ETV6: variants seen among roughly 807,000 people sequenced by gnomAD.
ETV6 encodes the protein transcription factor ETV6.
A neutral mutation model predicts 51.1 loss-of-function variants in ETV6; 16 were observed. That is an observed-to-expected ratio of 0.31 (90% CI 0.21 to 0.48). The LOEUF is 0.48. ETV6 is among the 20% of genes least tolerant of loss of function. The probability of loss-of-function intolerance (pLI) is 0.99; values close to 1 mark genes in which losing one functional copy is unlikely to be tolerated. For synonymous variants in ETV6, 240 were observed against 224.1 expected (o/e 1.07, Z -0.64); for missense variants, 458 against 594.8 (o/e 0.77, Z 2.39).
intron 2 of ETV6, among the ~76,000 whole-genome samples, chr12:11,774,069 G>A (rs569613398): frequency 4.6e-5 from 7 of 152,294 alleles, no homozygotes; most frequent in African/African-American, 9.6e-5. Flanking sequence ...TTGAGAGACC[G>A]TTGGGAGCAA....
intron 1 of ETV6, among the ~76,000 whole-genome samples, chr12:11,704,507 C>T (rs527405695): frequency 2.0e-5 from 3 of 152,120 alleles, no homozygotes; most frequent in East Asian, 1.9e-4. Flanking sequence ...CCACCACAAC[C>T]GGCTAATTTT....
chr12:11,731,488 G>A (rs189360816), intron 1 of ETV6, among the ~76,000 whole-genome samples: 15 of 152,182 alleles, frequency 9.9e-5, no homozygotes, highest in Admixed American at 3.3e-4. Context: ...ACTTTTAGAC[G>A]TCTTTGGAGG....
At position 11,778,119 on chromosome 12, in the gene ETV6, A is replaced by T. The variant is rs537756768; in HGVS notation, c.163+25540A>T. Among the ~76,000 whole-genome samples the T allele has an allele frequency of 7.2e-5, 11 of 152,314 alleles. No homozygotes were observed. In the South Asian group the frequency reaches 2.3e-3, roughly 32 times the overall value. On this transcript the variant is annotated intron_variant, in intron 2 of 7. Transcript: ENST00000396373. ...AGAAAATGCACCGGCTTTGGAGCCT[A>T]CTGCAGGACTAGATGTCTCAGGGTC...
chr12:11,816,001 G>T (rs1945987916), intron 2 of ETV6, among the ~76,000 whole-genome samples: 1 of 152,100 alleles, frequency 6.6e-6, no homozygotes, highest in Non-Finnish European at 1.5e-5. Flanking sequence ...GACCCGTAAG[G>T]AATATCCGTA....
At chr12:11,878,617 A>G (rs748334853) in intron 5 of ETV6, among the ~76,000 whole-genome samples, 8 of 151,964 alleles carry the variant, frequency 5.3e-5, no homozygotes, top group East Asian at 1.9e-4. Context: ...GAAGCCAGGA[A>G]GCGTAGATTT....
rs1863882592 is a variant in ETV6, at chr12:11,650,504, A to AAAAAAAAC, written c.33+351_33+352insCAAAAAAA. The stretch of plus-strand genomic sequence containing the variant: ...CTTAAAAAAAAAAAAAACAAAAAAC[A>AAAAAAAAC]AAAAAAAAAAACCTGCTCCCTATTC... On this transcript the variant is annotated intron_variant, in intron 1 of 7. Coordinates refer to ENST00000396373, the MANE Select transcript of ETV6 (RefSeq NM_001987.5). Among the ~76,000 whole-genome samples, 14 of 94,234 alleles carry AAAAAAAAC rather than the reference A, an allele frequency of 1.5e-4. 2 individuals carry two copies. Among genetic ancestry groups the AAAAAAAAC allele is most frequent in the African/African-American group, 4.2e-4 (10 of 23,958 alleles). The allele number at this position is 94,234 out of a possible 152,430, so 61.8% of individuals were successfully genotyped here. A position where few individuals can be genotyped will look rare whatever the true frequency, so the allele number is the denominator to read the frequency against.
At chr12:11,710,235 A>T (rs1865148682) in intron 1 of ETV6, among the ~76,000 whole-genome samples, 1 of 151,922 alleles carries the variant, frequency 6.6e-6, no homozygotes, top group Non-Finnish European at 1.5e-5. Flanking sequence ...TTCTCTGGTC[A>T]TTCAGAGACC....
rs559220467 is a variant in ETV6, at chr12:11,869,371, C to G, written c.464-53C>G. The stretch of plus-strand genomic sequence containing the variant: ...CCGCCTGTAGAGCCGCAGGGAGTTT[C>G]CTGTCCTGCCAACTCACTGGGGTCT... On this transcript the variant is annotated intron_variant, in intron 4 of 7. Coordinates refer to ENST00000396373, the MANE Select transcript of ETV6 (RefSeq NM_001987.5). The surrounding 1 kb of genome is among the most constrained non-coding windows in gnomAD (Gnocchi z 5.0). 3 of 1,527,858 alleles carry G rather than the reference C, an allele frequency of 2.0e-6. No individual in the cohort carries two copies. The highest frequency in any genetic ancestry group is 1.4e-5 in the African/African-American group (1 of 73,296). 94.6% of individuals were successfully genotyped at this position (1,527,858 alleles called of 1,614,324 possible).
intron 4 of ETV6, among the ~76,000 whole-genome samples, chr12:11,868,156 T>G (rs1946819322): frequency 6.6e-6 from 1 of 152,172 alleles, no homozygotes; most frequent in South Asian, 2.1e-4. Flanking sequence ...AAGATTGTCA[T>G]TCTGTAAATT....
chr12:11,664,380 T>C (rs1307996680), intron 1 of ETV6, among the ~76,000 whole-genome samples: 1 of 152,128 alleles, frequency 6.6e-6, no homozygotes, highest in Non-Finnish European at 1.5e-5. Context: ...GAGATGTTGA[T>C]GAGTGGGATT....
At chr12:11,798,417 A>G (rs1321154061) in intron 2 of ETV6, among the ~76,000 whole-genome samples, 7 of 152,054 alleles carry the variant, frequency 4.6e-5, no homozygotes, top group Admixed American at 4.6e-4. Flanking sequence ...CAGTACTTAC[A>G]TTTTTCTCAT....
chr12:11,754,553 T>C (rs1944978704), intron 2 of ETV6, among the ~76,000 whole-genome samples: 1 of 152,252 alleles, frequency 6.6e-6, no homozygotes, highest in Admixed American at 6.5e-5. Context: ...CTAGTTCTGC[T>C]GTTCGACTGT....
intron 1 of ETV6, among the ~76,000 whole-genome samples, chr12:11,742,418 A>G (rs1401144944): frequency 6.6e-6 from 1 of 152,244 alleles, no homozygotes; most frequent in Non-Finnish European, 1.5e-5. Context: ...TTTCTATGAT[A>G]TTTGACAAGT....
intron 7 of ETV6, among the ~76,000 whole-genome samples, chr12:11,888,364 A>G (rs957979639): frequency 7.0e-6 from 1 of 143,610 alleles, no homozygotes; most frequent in Non-Finnish European, 1.5e-5. Flanking sequence ...GCCCTTAACT[A>G]CACTACAATT....
At chr12:11,816,057 A>T (rs1474666269) in intron 2 of ETV6, among the ~76,000 whole-genome samples, 1 of 152,150 alleles carries the variant, frequency 6.6e-6, no homozygotes, top group Non-Finnish European at 1.5e-5. Flanking sequence ...CAGTCTGCCA[A>T]GTCTCTCATC....
Position 11,869,887 on chromosome 12 carries a change from G to T in ETV6, c.927G>T (p.Arg309=). 6.2e-7 allele frequency: 1 copy of T among 1,612,782 alleles called. No homozygotes were observed. Residue 309 remains arginine, a synonymous_variant, in exon 5 of 8, where the codon CGG becomes CGT. Transcript: ENST00000396373. This position sits in a 1 kb window ranked among gnomAD's most constrained non-coding sequence, Gnocchi z 5.0. ...GGAAGCCCATCAACCTCTCTCATCG[G>T]GAAGACCTGGCTTACATGAACCACA... is the stretch of plus-strand genomic sequence containing the variant. ...REGKPINLSH[R]EDLAYMNHIM...
At chr12:11,667,788 C>T (rs948251029) in intron 1 of ETV6, among the ~76,000 whole-genome samples, 6 of 149,694 alleles carry the variant, frequency 4.0e-5, no homozygotes, top group Non-Finnish European at 7.4e-5. Flanking sequence ...CTGCAGCCTC[C>T]GCCTCCCAGG....
chr12:11,858,651 A>T (rs1479300963), intron 4 of ETV6, among the ~76,000 whole-genome samples: 1 of 152,120 alleles, frequency 6.6e-6, no homozygotes, highest in African/African-American at 2.4e-5. Flanking sequence ...CTTTAGTTGC[A>T]TCCTGTCCTC....
Position 11,893,345 on chromosome 12 carries a change from T to TCTTA in ETV6, c.*2302_*2305dup, listed in dbSNP as rs1400690479. ...TTCACCCAAGTGCAAGAACTCAGTC[T>TCTTA]CTTACTGTTCAAAGAATCTTAACAG... On this transcript the variant is annotated 3_prime_UTR_variant, in exon 8 of 8. Coordinates refer to ENST00000396373, the MANE Select transcript of ETV6 (RefSeq NM_001987.5). The TCTTA allele has an allele frequency of 9.7e-6, 2 of 206,352 alleles. No individual in the cohort carries two copies. The highest frequency in any genetic ancestry group is 1.9e-5 in the Non-Finnish European group (2 of 106,452). 12.8% of individuals were successfully genotyped at this position (206,352 alleles called of 1,614,324 possible). A position where few individuals can be genotyped will look rare whatever the true frequency, so the allele number is the denominator to read the frequency against.
Sources: allele counts gnomAD v4.1 joint callset (sites outside exome capture counted in the v4.1 genomes callset), GRCh38; gene constraint gnomAD v4.1.1; non-coding constraint Gnocchi (gnomAD v3.1); transcripts MANE v1.5; gene names NCBI Gene and HGNC (gene_info 2026-07-23, HGNC 2026-07-21).